The following RCC1L variants were observed in gnomAD, a reference collection of about 807,000 sequenced individuals.
RCC1L encodes RCC1 like.
In RCC1L, 46 loss-of-function variants were observed where a neutral mutation model predicts 58.6. That is an observed-to-expected ratio of 0.79 (90% CI 0.62 to 1.00). RCC1L has a LOEUF of 1.00. Among genes scored for constraint, RCC1L ranks in the 50% least tolerant of loss-of-function variants. The pLI, the probability that RCC1L is intolerant of heterozygous loss-of-function variation, is 0.00. For synonymous variants in RCC1L, 281 were observed against 262.9 expected, an observed-to-expected ratio of 1.07 and a Z score of -0.67; for missense variants, 636 against 623.6, an observed-to-expected ratio of 1.02 and a Z score of -0.21.
Position 75,055,965 on chromosome 7 carries a change from C to T in RCC1L, c.1167G>A (p.Glu389=), listed in dbSNP as rs782334152. Residue 389 remains glutamate (E), a synonymous_variant, in exon 9 of 11, where the codon GAG becomes GAA. Transcript: ENST00000610322. ...GGGAAACCTGGATTTCTGGGTTGAA[C>T]TCCGTCAAGCCAAAGAGAGTGGGTG... The part of the protein sequence containing the change: ...MIPPTLFGLT[E]FNPEIQVSRI... 1.2e-6 allele frequency: 2 copies of T among 1,613,962 alleles called. No homozygotes were observed. The highest frequency in any genetic ancestry group is 1.7e-6 in the Non-Finnish European group (2 of 1,179,876).
chr7:75,040,946 G>A (rs890776281), downstream of RCC1L, among the ~76,000 whole-genome samples: 36 of 152,048 alleles, frequency 2.4e-4, no homozygotes, highest in African/African-American at 7.0e-4. Context: ...GGCCGGGCAC[G>A]GTGGCTCACG....
At chr7:75,062,307 C>T (rs1806301721) in intron 5 of RCC1L, among the ~76,000 whole-genome samples, 1 of 152,130 alleles carries the variant, frequency 6.6e-6, no homozygotes, top group Admixed American at 6.6e-5. Flanking sequence ...GGCTTGAGGC[C>T]AAGAGTTTGA....
In RCC1L at chr7:75,057,878, C is replaced by T. The variant is rs1806130653; in HGVS notation, c.970-262G>A. 4.1e-6 allele frequency: 2 copies of T among 483,460 alleles called. 1 individual carries two copies. Among genetic ancestry groups the T allele is most frequent in the Non-Finnish European group, 7.7e-6 (2 of 260,024 alleles). The allele number at this position is 483,460 out of a possible 1,614,324, so 29.9% of individuals were successfully genotyped here. The stretch of plus-strand genomic sequence containing the variant: ...AATTAACATAAAATGACATTTGTGG[C>T]CGGGTGTGGTGGCTCACGCCTGTAA... On this transcript the variant is annotated intron_variant, in intron 7 of 10. Transcript: ENST00000610322.
At chr7:75,072,190 AT>A (rs1348488454) in intron 1 of RCC1L, among the ~76,000 whole-genome samples, 3 of 89,990 alleles carry the variant, frequency 3.3e-5, no homozygotes, top group African/African-American at 6.7e-5. Flanking sequence ...ATATATATAT[AT>A]GGAGAGAGAG....
At chr7:75,073,333 T>C in intron 1 of RCC1L, 81 bp downstream of exon 1, 2 of 636,006 alleles carry the variant, frequency 3.1e-6, no homozygotes, top group South Asian at 3.8e-5. Flanking sequence ...AGCCAACTTC[T>C]TGAAGAGAGC....
At chr7:75,053,104 G>T (rs1194436088) in intron 9 of RCC1L, among the ~76,000 whole-genome samples, 1 of 139,340 alleles carries the variant, frequency 7.2e-6, no homozygotes, top group Non-Finnish European at 1.6e-5. Flanking sequence ...TGGGGTCTGG[G>T]GGTGGTGCAC....
intron 10 of RCC1L, among the ~76,000 whole-genome samples, chr7:75,046,533 G>A (rs1440197635): frequency 6.6e-6 from 1 of 152,226 alleles, no homozygotes; most frequent in East Asian, 1.9e-4. Context: ...CTGGGAGCCA[G>A]CCCTAGGGAC....
At chr7:75,030,630 C>A (rs1278839486) in intron 10 of RCC1L, among the ~76,000 whole-genome samples, 1 of 152,172 alleles carries the variant, frequency 6.6e-6, no homozygotes, top group Non-Finnish European at 1.5e-5. Context: ...CCAGGTGGGC[C>A]AACCCACAGG....
At chr7:75,065,189 TA>T (rs782557967) in intron 3 of RCC1L, among the ~76,000 whole-genome samples, 891 of 137,192 alleles carry the variant, frequency 6.5e-3, no homozygotes, top group Admixed American at 6.3e-3. Context: ...ACTTTTTAAT[TA>T]AAAAAAAAAA....
intron 6 of RCC1L, among the ~76,000 whole-genome samples, chr7:75,060,915 T>C (rs2131999236): frequency 6.6e-6 from 1 of 151,734 alleles, no homozygotes; most frequent in African/African-American, 2.4e-5. Flanking sequence ...AACCCTGTTG[T>C]TACAAAAAAT....
chr7:75,053,603 A>C (rs1805986731), intron 9 of RCC1L, among the ~76,000 whole-genome samples: 1 of 152,162 alleles, frequency 6.6e-6, no homozygotes, highest in Admixed American at 6.6e-5. Flanking sequence ...AACTGTAAAA[A>C]CTGTCATGAA....
Position 75,056,012 on chromosome 7 carries a change from T to C in RCC1L, c.1120A>G (p.Ser374Gly), listed in dbSNP as rs1554443885. Residue 374 changes from serine (S) to glycine (G), a missense_variant, in exon 9 of 11, where the codon AGT becomes GGT. Ser to Gly is a moderately conservative substitution (Grantham distance 56). Transcript: ENST00000610322. Reference protein sequence around the residue: ...ILGKGPNLVESAVPEMIPPTL... With the variant: ...ILGKGPNLVEGAVPEMIPPTL... ...GGTGGAATCATTTCAGGGACGGCAC[T>C]TTCCACTAGGTTTGGACCTTTCCCA... 3.1e-6 allele frequency: 5 copies of C among 1,613,956 alleles called. No homozygotes were observed. The Admixed American group carries it at 8.3e-5, about 27-fold the overall frequency.
At chr7:75,065,440 A>G (rs1193042073) in intron 3 of RCC1L, among the ~76,000 whole-genome samples, 1 of 152,140 alleles carries the variant, frequency 6.6e-6, no homozygotes, top group Admixed American at 6.6e-5. Context: ...CTGTAGTCCC[A>G]GCTACTCGGG....
chr7:75,042,216 C>T lies in RCC1L; in HGVS notation c.*816G>A, dbSNP rs1805587552. 3 of 985,340 alleles carry T rather than the reference C, an allele frequency of 3.0e-6. 1 individual carries two copies. In the South Asian group the frequency reaches 1.4e-4, roughly 46 times the overall value. 61.0% of individuals were successfully genotyped at this position (985,340 alleles called of 1,614,324 possible). A position where few individuals can be genotyped will look rare whatever the true frequency, so the allele number is the denominator to read the frequency against. On this transcript the variant is annotated 3_prime_UTR_variant, in exon 11 of 11. Coordinates refer to ENST00000610322, the MANE Select transcript of RCC1L (RefSeq NM_030798.5). ...CAAAAGGCAGAAAATAGACTTTATT[C>T]CAAGACAGATTTGTAAAAGATGTTT...
At chr7:75,035,754 C>T (rs2131969910) in intron 10 of RCC1L, among the ~76,000 whole-genome samples, 1 of 150,706 alleles carries the variant, frequency 6.6e-6, no homozygotes, top group East Asian at 2.0e-4. Context: ...GTAATCCCAA[C>T]ACTTTGGAAG....
intron 10 of RCC1L, among the ~76,000 whole-genome samples, chr7:75,030,487 G>GT (rs1484588405): frequency 2.0e-5 from 3 of 152,264 alleles, no homozygotes; most frequent in African/African-American, 7.2e-5. Flanking sequence ...GGGGGCAAAG[G>GT]TGTCAGGAAC....
intron 2 of RCC1L, among the ~76,000 whole-genome samples, chr7:75,069,017 C>T (rs1042169364): frequency 6.6e-5 from 10 of 151,136 alleles, no homozygotes; most frequent in Non-Finnish European, 1.2e-4. Context: ...TACAGGCGCG[C>T]GCCTCCATGC....
At position 75,042,609 on chromosome 7, in the gene RCC1L, G is replaced by T. The variant is rs1805599362; in HGVS notation, c.*423C>A. The stretch of plus-strand genomic sequence containing the variant: ...ACTCCCTCGCCTAAGCTGGGGCTCG[G>T]TCCGAGGCACACGCATGGCCTTGGC... On this transcript the variant is annotated 3_prime_UTR_variant, in exon 11 of 11. Transcript: ENST00000610322. 6.9e-6 allele frequency: 7 copies of T among 1,018,834 alleles called. No homozygotes were observed. The highest frequency in any genetic ancestry group is 4.9e-4 in the Middle Eastern group (1 of 2,034). The allele number at this position is 1,018,834 out of a possible 1,614,324, so 63.1% of individuals were successfully genotyped here. A position where few individuals can be genotyped will look rare whatever the true frequency, so the allele number is the denominator to read the frequency against.
chr7:75,050,696 C>T (rs1805877645), intron 10 of RCC1L, among the ~76,000 whole-genome samples: 1 of 152,136 alleles, frequency 6.6e-6, no homozygotes. Context: ...ACACCCACTG[C>T]CCGACTCTCT....
Sources: allele counts gnomAD v4.1 joint callset (sites outside exome capture counted in the v4.1 genomes callset), GRCh38; gene constraint gnomAD v4.1.1; transcripts MANE v1.5; gene names NCBI Gene and HGNC (gene_info 2026-07-23, HGNC 2026-07-21).